The following OPCML variants were observed in gnomAD, a reference collection of about 807,000 sequenced individuals.
OPCML encodes opioid-binding protein/cell adhesion molecule.
Under a neutral mutation model 37.8 loss-of-function variants are expected in OPCML, and 13 were observed. That is an observed-to-expected ratio of 0.34 (90% CI 0.22 to 0.55). OPCML has a LOEUF of 0.55. OPCML is among the 20% of genes least tolerant of loss of function. The probability of loss-of-function intolerance (pLI) is 0.91; values close to 1 mark genes in which losing one functional copy is unlikely to be tolerated. For missense variants in OPCML, 341 were observed against 435.6 expected (o/e 0.78, Z 1.93); for synonymous variants, 176 against 168.8 (o/e 1.04, Z -0.33).
chr11:132,519,831 G>A lies in OPCML; in HGVS notation c.505+9230C>T, dbSNP rs1298106947. On this transcript the variant is annotated intron_variant, in intron 4 of 7. Transcript: ENST00000524381. ...AACATGACTTCAGATTAGAAACAAG[G>A]CTCCTAGCTGCCTTGGAGAGAGACA... Among the ~76,000 whole-genome samples the A allele has an allele frequency of 2.0e-5, 3 of 152,240 alleles. No homozygotes were observed. The East Asian group carries it at 5.8e-4, about 30-fold the overall frequency.
intron 1 of OPCML, among the ~76,000 whole-genome samples, chr11:133,357,868 A>G (rs1944324672): frequency 6.6e-6 from 1 of 152,110 alleles, no homozygotes; most frequent in South Asian, 2.1e-4. Flanking sequence ...AACAACCATC[A>G]CAATCGTAAC....
intron 1 of OPCML, among the ~76,000 whole-genome samples, chr11:133,076,843 A>C (rs767464584): frequency 1.3e-5 from 2 of 152,166 alleles, no homozygotes; most frequent in Non-Finnish European, 2.9e-5. Flanking sequence ...TCTGTATTCC[A>C]AAAGACTCAT....
chr11:133,434,465 C>T (rs1015065976), intron 1 of OPCML, among the ~76,000 whole-genome samples: 2 of 152,080 alleles, frequency 1.3e-5, no homozygotes, highest in Non-Finnish European at 2.9e-5. Flanking sequence ...AGCACTTCAA[C>T]TATTTACAAA....
At chr11:132,725,778 CA>C (rs34622834) in intron 2 of OPCML, among the ~76,000 whole-genome samples, 8,312 of 73,934 alleles carry the variant, frequency 0.11, 494 homozygotes, top group African/African-American at 0.25. Context: ...GACTCCATCT[CA>C]AAAAAAAAAA....
At chr11:132,957,285 G>T (rs1029659491) in intron 1 of OPCML, among the ~76,000 whole-genome samples, 11 of 152,096 alleles carry the variant, frequency 7.2e-5, no homozygotes, top group African/African-American at 2.7e-4. Flanking sequence ...GCATTAGAAA[G>T]TCTCCAGAAA....
intron 1 of OPCML, among the ~76,000 whole-genome samples, chr11:133,102,312 T>C (rs1179403850): frequency 6.6e-6 from 1 of 152,174 alleles, no homozygotes; most frequent in Non-Finnish European, 1.5e-5. Context: ...CAGGGGCAGA[T>C]GGTATATGGG....
intron 1 of OPCML, among the ~76,000 whole-genome samples, chr11:133,342,615 C>A (rs1156490435): frequency 6.6e-6 from 1 of 152,148 alleles, no homozygotes; most frequent in Non-Finnish European, 1.5e-5. Flanking sequence ...ATATGTGTGA[C>A]TAGTGAAGCG....
chr11:132,580,128 G>A (rs1378654918), intron 3 of OPCML, among the ~76,000 whole-genome samples: 1 of 152,130 alleles, frequency 6.6e-6, no homozygotes, highest in Admixed American at 6.6e-5. Context: ...ATGGGACAAC[G>A]CAGGCTCTGT....
intron 1 of OPCML, among the ~76,000 whole-genome samples, chr11:132,962,500 A>G (rs1946115904): frequency 6.6e-6 from 1 of 152,236 alleles, no homozygotes; most frequent in Admixed American, 6.5e-5. Context: ...AAGATTTTTA[A>G]GTCTAGACTG....
intron 1 of OPCML, among the ~76,000 whole-genome samples, chr11:133,355,610 G>A (rs916589697): frequency 2.0e-5 from 3 of 152,148 alleles, no homozygotes; most frequent in East Asian, 3.9e-4. Flanking sequence ...GGGCCCTGAA[G>A]GTGGGTTCTC....
intron 4 of OPCML, among the ~76,000 whole-genome samples, chr11:132,512,622 T>C (rs983318512): frequency 9.9e-5 from 15 of 151,990 alleles, no homozygotes; most frequent in Non-Finnish European, 4.4e-5. Flanking sequence ...TTTTACATTT[T>C]TTTCAGAGTG....
At chr11:133,260,532 A>ATGGGAG (rs1941457869) in intron 1 of OPCML, among the ~76,000 whole-genome samples, 1 of 151,996 alleles carries the variant, frequency 6.6e-6, no homozygotes, top group Non-Finnish European at 1.5e-5. Flanking sequence ...AATGTGGGGT[A>ATGGGAG]TGGGAGTGGG....
intron 4 of OPCML, among the ~76,000 whole-genome samples, chr11:132,449,820 A>G (rs1164472764): frequency 6.6e-6 from 1 of 152,168 alleles, no homozygotes; most frequent in Non-Finnish European, 1.5e-5. Flanking sequence ...GGATCCGGCC[A>G]GCTCATTTCT....
At chr11:133,263,107 C>T (rs1290047195) in intron 1 of OPCML, among the ~76,000 whole-genome samples, 4 of 151,942 alleles carry the variant, frequency 2.6e-5, no homozygotes, top group Admixed American at 1.3e-4. Context: ...CGGACATTTA[C>T]CACTTATGTG....
intron 3 of OPCML, among the ~76,000 whole-genome samples, chr11:132,654,647 C>G (rs1292800413): frequency 1.3e-5 from 2 of 151,846 alleles, no homozygotes; most frequent in Non-Finnish European, 2.9e-5. Context: ...ACATCATCTC[C>G]AAGAGAAGAT....
chr11:133,267,703 C>T (rs1002918110), intron 1 of OPCML, among the ~76,000 whole-genome samples: 4 of 152,116 alleles, frequency 2.6e-5, no homozygotes, highest in African/African-American at 9.7e-5. Context: ...TCCCATGTGT[C>T]GTGGGAGGGA....
chr11:133,484,057 G>C (rs867021020), intron 1 of OPCML, among the ~76,000 whole-genome samples: 1 of 150,800 alleles, frequency 6.6e-6, no homozygotes, highest in East Asian at 2.0e-4. Flanking sequence ...TAGATAGATA[G>C]ATAGATAGAT....
At chr11:132,762,075 C>A (rs1427753669) in intron 2 of OPCML, among the ~76,000 whole-genome samples, 1 of 152,196 alleles carries the variant, frequency 6.6e-6, no homozygotes, top group Non-Finnish European at 1.5e-5. Flanking sequence ...CCCTCTTCTG[C>A]AGGTCTGCTG....
At chr11:132,967,783 C>A (rs528538138) in intron 1 of OPCML, among the ~76,000 whole-genome samples, 2 of 152,134 alleles carry the variant, frequency 1.3e-5, no homozygotes, top group African/African-American at 4.8e-5. Context: ...TTTCTTTCAG[C>A]CTCAAGACTA....
Sources: gnomAD v4.1 joint callset for allele counts (sites outside exome capture counted in the v4.1 genomes callset) on GRCh38, gnomAD v4.1.1 for gene constraint, MANE v1.5 for transcripts, NCBI Gene and HGNC (gene_info 2026-07-23, HGNC 2026-07-21) for gene names.